FOXP1: variants seen among roughly 807,000 people sequenced by gnomAD.
FOXP1 encodes the protein forkhead box protein P1.
In FOXP1, 15 loss-of-function variants were observed where a neutral mutation model predicts 98.2. The ratio of observed to expected loss-of-function variants is 0.15; its 90% CI spans 0.10 to 0.24. The LOEUF (loss-of-function observed/expected upper bound fraction) is 0.24, where lower values mean the gene tolerates loss of function less well. Among genes scored for constraint, FOXP1 ranks in the 10% least tolerant of loss-of-function variants. The pLI, the probability that FOXP1 is intolerant of heterozygous loss-of-function variation, is 1.00. For synonymous variants in FOXP1, 371 were observed against 314.5 expected (o/e 1.18, Z -1.90); for missense variants, 633 against 848.5 (o/e 0.75, Z 3.15).
intron 3 of FOXP1, among the ~76,000 whole-genome samples, chr3:71,465,174 G>C (rs528143032): frequency 6.6e-6 from 1 of 152,114 alleles, no homozygotes; most frequent in East Asian, 1.9e-4. Flanking sequence ...GGGCGTGGTG[G>C]CACATGTCTG....
At chr3:71,341,995 C>T (rs2077037911) in intron 4 of FOXP1, among the ~76,000 whole-genome samples, 1 of 152,112 alleles carries the variant, frequency 6.6e-6, no homozygotes, top group African/African-American at 2.4e-5. Flanking sequence ...AAAAATACAG[C>T]TTTAAAACAC....
At chr3:71,127,657 G>C (rs2059307847) in intron 6 of FOXP1, among the ~76,000 whole-genome samples, 1 of 152,140 alleles carries the variant, frequency 6.6e-6, no homozygotes, top group Non-Finnish European at 1.5e-5. Flanking sequence ...CTAGATCACA[G>C]CGCTTCCAGG....
chr3:71,269,967 C>T (rs777762298), intron 5 of FOXP1, among the ~76,000 whole-genome samples: 1 of 152,150 alleles, frequency 6.6e-6, no homozygotes, highest in Non-Finnish European at 1.5e-5. Context: ...GTGTTGATTT[C>T]TTCTATACTT....
At chr3:70,973,271 A>G (rs1027942554) in intron 17 of FOXP1, among the ~76,000 whole-genome samples, 1 of 127,558 alleles carries the variant, frequency 7.8e-6, no homozygotes, top group Non-Finnish European at 1.6e-5. Flanking sequence ...TCAAGAGATC[A>G]GTAGCTATCA....
rs1477113458 is a variant in FOXP1, at chr3:71,373,621, T to G, written c.-167-14377A>C. On this transcript the variant is annotated intron_variant, in intron 3 of 20. Transcript: ENST00000649528. ...AGTGAGGTGACACTGGTGCCAGTCC[T>G]GGTTTGGACATTAATTTACTTCTTG... is the stretch of plus-strand genomic sequence containing the variant. 2.0e-5 allele frequency among the ~76,000 whole-genome samples: 3 copies of G among 152,250 alleles called. No individual in the cohort carries two copies. In the East Asian group the frequency reaches 5.8e-4, roughly 29 times the overall value.
At chr3:71,236,175 A>G (rs1242572962) in intron 5 of FOXP1, among the ~76,000 whole-genome samples, 1 of 152,210 alleles carries the variant, frequency 6.6e-6, no homozygotes, top group Non-Finnish European at 1.5e-5. Flanking sequence ...CAAGCTGGGT[A>G]TAGAATAGAA....
intron 11 of FOXP1, among the ~76,000 whole-genome samples, chr3:71,020,475 A>G (rs1165266300): frequency 1.3e-5 from 2 of 152,192 alleles, no homozygotes; most frequent in Non-Finnish European, 2.9e-5. Context: ...TCCCAAGGTC[A>G]CTACTTAACC....
intron 7 of FOXP1, among the ~76,000 whole-genome samples, chr3:71,097,161 A>G (rs973563066): frequency 1.3e-5 from 2 of 152,154 alleles, no homozygotes; most frequent in Admixed American, 6.5e-5. Context: ...TCAGCCAACT[A>G]CAGCCCAAAT....
At chr3:71,516,888 A>G (rs576526654) in intron 2 of FOXP1, among the ~76,000 whole-genome samples, 1 of 152,306 alleles carries the variant, frequency 6.6e-6, no homozygotes, top group South Asian at 2.1e-4. Flanking sequence ...CTGTTCATTC[A>G]TTCACTTAGC....
At chr3:71,337,943 G>A (rs1179549652) in intron 4 of FOXP1, among the ~76,000 whole-genome samples, 5 of 152,204 alleles carry the variant, frequency 3.3e-5, no homozygotes, top group African/African-American at 4.8e-5. Context: ...CAAGGAGGAC[G>A]AGGAAGCGCT....
intron 2 of FOXP1, among the ~76,000 whole-genome samples, chr3:71,507,912 A>T (rs1043328234): frequency 5.3e-5 from 8 of 152,200 alleles, no homozygotes; most frequent in Admixed American, 4.6e-4. Flanking sequence ...TTGAGTACTT[A>T]CTGTGTGCCA....
intron 7 of FOXP1, among the ~76,000 whole-genome samples, chr3:71,070,663 G>A (rs184652948): frequency 6.6e-6 from 1 of 152,278 alleles, no homozygotes; most frequent in East Asian, 1.9e-4. Flanking sequence ...CTCCGCGCAC[G>A]TGTGGGCCAG....
chr3:71,397,112 ATG>A (rs2081585440), intron 3 of FOXP1, among the ~76,000 whole-genome samples: 1 of 109,418 alleles, frequency 9.1e-6, no homozygotes, highest in Admixed American at 9.9e-5. Flanking sequence ...ATATATATAT[ATG>A]TGTATATATA....
chr3:71,237,101 G>A (rs1373671240), intron 5 of FOXP1, among the ~76,000 whole-genome samples: 8 of 149,766 alleles, frequency 5.3e-5, no homozygotes, highest in Non-Finnish European at 1.0e-4. Context: ...GCGTGGTGGT[G>A]CACGCCTGTA....
chr3:70,970,393 A>G (rs1342256101), intron 19 of FOXP1: 1 of 330,960 alleles, frequency 3.0e-6, no homozygotes, highest in Non-Finnish European at 5.8e-6. Flanking sequence ...GCAGTGGCCT[A>G]TCATCCAGCA....
intron 5 of FOXP1, among the ~76,000 whole-genome samples, chr3:71,227,437 T>C (rs1340605194): frequency 6.6e-6 from 1 of 152,144 alleles, no homozygotes; most frequent in Non-Finnish European, 1.5e-5. Flanking sequence ...ATTAGTCAAT[T>C]TGAAATTATT....
intron 5 of FOXP1, among the ~76,000 whole-genome samples, chr3:71,227,930 G>A (rs904963765): frequency 1.0e-4 from 2 of 19,798 alleles, no homozygotes; most frequent in East Asian, 1.4e-3. Flanking sequence ...ATATTAAATC[G>A]AAGAATGTGT....
intron 7 of FOXP1, among the ~76,000 whole-genome samples, chr3:71,082,228 G>A (rs567034546): frequency 2.3e-4 from 34 of 150,100 alleles, no homozygotes; most frequent in Non-Finnish European, 3.8e-4. Flanking sequence ...GCAGTGAGCC[G>A]AGATTGCACC....
At chr3:71,229,141 C>T (rs1001957274) in intron 5 of FOXP1, among the ~76,000 whole-genome samples, 1 of 151,976 alleles carries the variant, frequency 6.6e-6, no homozygotes, top group African/African-American at 2.4e-5. Flanking sequence ...TAAGCAAAGA[C>T]GACACCAGTT....
Sources: allele counts gnomAD v4.1 joint callset (sites outside exome capture counted in the v4.1 genomes callset), GRCh38; gene constraint gnomAD v4.1.1; transcripts MANE v1.5; gene names NCBI Gene and HGNC (gene_info 2026-07-23, HGNC 2026-07-21).